Variants in DNAH10 observed in about 807,000 individuals in gnomAD.
The protein encoded by DNAH10 is axonemal beta dynein heavy chain 10.
In DNAH10, 348 loss-of-function variants were observed where a neutral mutation model predicts 506.6. The ratio of observed to expected loss-of-function variants is 0.69; its 90% confidence interval spans 0.63 to 0.75. DNAH10 has a LOEUF of 0.75. Ranked by LOEUF, DNAH10 falls within the 30% of genes least tolerant of loss-of-function variation. The pLI is 0.00. For synonymous variants in DNAH10, 2,059 were observed against 2,198.6 expected, an observed-to-expected ratio of 0.94 and a Z score of 1.78; for missense variants, 5,179 against 5,787.1, an observed-to-expected ratio of 0.89 and a Z score of 3.41.
intron 47 of DNAH10, among the ~76,000 whole-genome samples, chr12:123,877,438 A>G (rs57147047): frequency 0.033 from 5,092 of 152,134 alleles, 245 homozygotes; most frequent in African/African-American, 0.11. Flanking sequence ...CAGCCTCCTG[A>G]GTAGCAGGAA....
chr12:123,783,337 T>C (rs1012488838), intron 7 of DNAH10, 73 bp downstream of exon 7: 31 of 1,562,246 alleles, frequency 2.0e-5, no homozygotes, highest in Non-Finnish European at 2.5e-5. Flanking sequence ...GCCCGGAGTC[T>C]GGGGTCTGCA....
chr12:123,813,476 G>A lies in DNAH10; in HGVS notation c.3457G>A (p.Val1153Ile), dbSNP rs772226396. The A allele has an allele frequency of 6.2e-7, 1 of 1,614,216 alleles. No homozygotes were observed. Residue 1153 changes from valine to isoleucine, a missense_variant, in exon 20 of 79, where the codon GTT becomes ATT. Physicochemically the swap from Val to Ile is conservative, Grantham distance 29. Coordinates refer to ENST00000673944, the MANE Select transcript of DNAH10 (RefSeq NM_001372106.1). ...LQFYSKIAYE[V>I]MRHPLIKDEH... ...GTTCTATTCCAAGATAGCTTATGAG[G>A]TTATGCGCCACCCTCTAATTAAGGA...
In DNAH10 at chr12:123,762,645, TCCGGCC is replaced by T; in HGVS notation, c.214+102_214+107del. On this transcript the variant is annotated intron_variant, in intron 1 of 78. Transcript: ENST00000673944. The surrounding 1 kb of genome is among the most constrained non-coding windows in gnomAD (Gnocchi z 5.0). ...CGGGGCTGCTAGAGCCTGCCCATCG[TCCGGCC>T]CCGGCCTCAGGTGCTGTCCACAAAC... 1 of 1,336,674 alleles carries T rather than the reference TCCGGCC, an allele frequency of 7.5e-7. No homozygotes were observed. Among genetic ancestry groups the T allele is most frequent in the Non-Finnish European group, 1.0e-6 (1 of 996,970 alleles). The allele number at this position is 1,336,674 out of a possible 1,614,324, so 82.8% of individuals were successfully genotyped here.
chr12:123,882,107 C>T, intron 51 of DNAH10: 1 of 276,658 alleles, frequency 3.6e-6, no homozygotes, highest in East Asian at 6.2e-5. Flanking sequence ...ATTTAATATC[C>T]CAATTAACCC....
chr12:123,887,666 G>A lies in DNAH10; in HGVS notation c.8995+353G>A, dbSNP rs144373692. Among the ~76,000 whole-genome samples, 94 of 152,256 alleles carry A rather than the reference G, an allele frequency of 6.2e-4. 1 individual carries two copies. The highest frequency in any genetic ancestry group is 2.0e-3 in the African/African-American group (84 of 41,548). On this transcript the variant is annotated intron_variant, in intron 52 of 78. Coordinates refer to ENST00000673944, the MANE Select transcript of DNAH10 (RefSeq NM_001372106.1). ...AGGCCAGGTGTGGTGCCTCCTGCCT[G>A]TGATCCCAGCACTCTGGGAGGCCAA...
chr12:123,866,072 A>G lies in DNAH10; in HGVS notation c.7166A>G (p.Lys2389Arg), dbSNP rs879111589. 1.2e-6 allele frequency: 2 copies of G among 1,601,224 alleles called. No individual in the cohort carries two copies. The highest frequency in any genetic ancestry group is 3.5e-5 in the Admixed American group (2 of 56,668). The change falls in exon 41 of 79, where the codon AAG (lysine) becomes AGG (arginine). Residue 2389 changes from lysine (K) to arginine (R), a missense_variant and splice_region_variant. By Grantham distance (26) the Lys-to-Arg change is conservative. Coordinates refer to ENST00000673944, the MANE Select transcript of DNAH10 (RefSeq NM_001372106.1). ...AAATGGGTTAATCAAATACCAAACAAGGTGAAATTTTTTTCTAAAATGAAC... is the reference window on the plus strand; with the variant it reads ...AAATGGGTTAATCAAATACCAAACAGGGTGAAATTTTTTTCTAAAATGAAC... ...WKKWVNQIPN[K>R]VEQYNLNSLF...
At chr12:123,894,082 CTT>C (rs558490981) in intron 53 of DNAH10, among the ~76,000 whole-genome samples, 1,461 of 88,804 alleles carry the variant, frequency 0.016, 13 homozygotes, top group African/African-American at 0.057. Flanking sequence ...AATGAGCATC[CTT>C]TTTTTTTTTT....
In DNAH10 at chr12:123,787,896, T is replaced by C. The variant is rs775439814; in HGVS notation, c.1514T>C (p.Ile505Thr). The part of the protein sequence containing the change: ...KKAYFDTRAK[I>T]EASGREDRWE... ...GCCTATTTTGACACCCGGGCCAAGA[T>C]AGAGGCTTCGGGGAGGGAAGATCGG... Residue 505 changes from isoleucine (I) to threonine (T), a missense_variant, in exon 10 of 79, where the codon ATA becomes ACA. Physicochemically the swap from Ile to Thr is moderately conservative, Grantham distance 89. Around this residue, in one of 3 missense-constraint regions of DNAH10, gnomAD observed 4,844 missense variants for 5,430.5 expected, o/e 0.89. Transcript: ENST00000673944. The surrounding 1 kb of genome is among the most constrained non-coding windows in gnomAD (Gnocchi z 4.6). 6 of 1,613,186 alleles carry C rather than the reference T, an allele frequency of 3.7e-6. No individual in the cohort carries two copies. Among genetic ancestry groups the C allele is most frequent in the Admixed American group, 3.3e-5 (2 of 59,882 alleles).
In DNAH10 at chr12:123,917,062, T is replaced by C. The variant is rs1279789600; in HGVS notation, c.11002+326T>C. Among the ~76,000 whole-genome samples the C allele has an allele frequency of 1.3e-5, 2 of 152,258 alleles. No homozygotes were observed. Among genetic ancestry groups the C allele is most frequent in the African/African-American group, 4.8e-5 (2 of 41,476 alleles). ...ATGTTGTGATGTTGAATTTTTTTTT[T>C]CTTCCTCTCAGTTGAATTCTGATAG... On this transcript the variant is annotated intron_variant, in intron 63 of 78. Transcript: ENST00000673944. This position sits in a 1 kb window ranked among gnomAD's most constrained non-coding sequence, Gnocchi z 5.6.
intron 30 of DNAH10, among the ~76,000 whole-genome samples, chr12:123,842,630 C>T (rs766962237): frequency 5.3e-5 from 8 of 152,110 alleles, no homozygotes; most frequent in African/African-American, 1.9e-4. Flanking sequence ...CTGCTGTTTC[C>T]GAGGTACTGA....
At chr12:123,851,122 CG>C in intron 35 of DNAH10, 46 bp downstream of exon 35, 2 of 1,517,002 alleles carry the variant, frequency 1.3e-6, no homozygotes, top group Non-Finnish European at 8.8e-7. Context: ...AGACTTCACC[CG>C]GGTCTGCTTC....
intron 28 of DNAH10, among the ~76,000 whole-genome samples, chr12:123,837,313 G>A (rs1002318359): frequency 1.5e-4 from 22 of 149,762 alleles, no homozygotes; most frequent in African/African-American, 5.4e-4. Flanking sequence ...CACCACTCTA[G>A]CCTGGGTGAC....
chr12:123,780,726 G>A (rs543871157), intron 5 of DNAH10, among the ~76,000 whole-genome samples: 16 of 151,462 alleles, frequency 1.1e-4, no homozygotes, highest in African/African-American at 3.6e-4. Context: ...GGCCGGGGGT[G>A]GATCATGAGG....
At position 123,871,533 on chromosome 12, in the gene DNAH10, T is replaced by C; in HGVS notation, c.7716T>C (p.Val2572=). 6.4e-7 allele frequency: 1 copy of C among 1,554,426 alleles called. No homozygotes were observed. The highest frequency in any genetic ancestry group is 8.7e-7 in the Non-Finnish European group (1 of 1,148,300). The part of the protein sequence containing the change: ...MVKIKQPVIF[V]GESGTSKTAT... ...AAATTAAGCAACCTGTTATTTTTGT[T>C]GGTGAATCTGGCACTTCTAAGACAG... is the stretch of plus-strand genomic sequence containing the variant. The change falls in exon 45 of 79, where the codon GTT becomes GTC. Residue 2572 remains valine, a synonymous_variant. Transcript: ENST00000673944.
chr12:123,829,400 A>G (rs1006218571), intron 25 of DNAH10, among the ~76,000 whole-genome samples: 4 of 152,172 alleles, frequency 2.6e-5, no homozygotes, highest in African/African-American at 9.7e-5. Flanking sequence ...ACCAGTTGGA[A>G]CTGGACAGAG....
At chr12:123,817,510 T>C (rs998488200) in intron 21 of DNAH10, among the ~76,000 whole-genome samples, 11 of 152,240 alleles carry the variant, frequency 7.2e-5, no homozygotes, top group Non-Finnish European at 1.6e-4. Flanking sequence ...ATTTCAGGTA[T>C]TGTCATTATC....
chr12:123,800,142 T>G, intron 14 of DNAH10, 74 bp from the exon 15 acceptor site: 1 of 1,466,146 alleles, frequency 6.8e-7, no homozygotes, highest in East Asian at 2.3e-5. Context: ...CATGTTCACT[T>G]TTGGTGTGGG....
chr12:123,919,116 C>T lies in DNAH10; in HGVS notation c.11506+167C>T. The T allele has an allele frequency of 2.2e-6, 2 of 890,812 alleles. No individual in the cohort carries two copies. The highest frequency in any genetic ancestry group is 3.2e-6 in the Non-Finnish European group (2 of 621,140). The allele number at this position is 890,812 out of a possible 1,614,324, so 55.2% of individuals were successfully genotyped here. A position where few individuals can be genotyped will look rare whatever the true frequency, so the allele number is the denominator to read the frequency against. On this transcript the variant is annotated intron_variant, in intron 65 of 78. Transcript: ENST00000673944. This position sits in a 1 kb window ranked among gnomAD's most constrained non-coding sequence, Gnocchi z 4.9. ...TTTGAGATAGGGTCTTGCTCCATCA[C>T]CCAGGCTGGAATGCAGTGGTGCGAT...
intron 65 of DNAH10, among the ~76,000 whole-genome samples, chr12:123,920,762 T>C (rs369158658): frequency 6.6e-6 from 1 of 152,200 alleles, no homozygotes; most frequent in East Asian, 1.9e-4. Flanking sequence ...CTTGCATTTA[T>C]TTTTATTTTT....
Sources: allele counts gnomAD v4.1 joint callset (sites outside exome capture counted in the v4.1 genomes callset), GRCh38; gene constraint gnomAD v4.1.1; regional missense constraint gnomAD v4.1.1; non-coding constraint Gnocchi (gnomAD v3.1); transcripts MANE v1.5; gene names NCBI Gene and HGNC (gene_info 2026-07-23, HGNC 2026-07-21).